The following GRM1 variants were observed in gnomAD, a reference collection of about 807,000 sequenced individuals.
The protein encoded by GRM1 is metabotropic glutamate receptor 1.
Under a neutral mutation model 90.9 loss-of-function variants are expected in GRM1, and 33 were observed. That is an observed-to-expected ratio of 0.36 (90% CI 0.28 to 0.49). GRM1 has a LOEUF of 0.49. Among genes scored for constraint, GRM1 ranks in the 20% least tolerant of loss-of-function variants. The pLI, the probability that GRM1 is intolerant of heterozygous loss-of-function variation, is 0.99. For missense variants in GRM1, 1,190 were observed against 1,534.3 expected (o/e 0.78, Z 3.75); for synonymous variants, 700 against 613.2 (o/e 1.14, Z -2.09).
chr6:146,049,772 C>T (rs529300954), intron 1 of GRM1, among the ~76,000 whole-genome samples: 6 of 151,724 alleles, frequency 4.0e-5, no homozygotes, highest in South Asian at 2.1e-4. Flanking sequence ...AAAATAACAA[C>T]GATGGCAGTA....
chr6:146,029,841 C>T lies in GRM1; in HGVS notation c.324C>T (p.Ser108=). The T allele has an allele frequency of 6.2e-7, 1 of 1,614,146 alleles. No individual in the cohort carries two copies. The highest frequency in any genetic ancestry group is 8.5e-7 in the Non-Finnish European group (1 of 1,180,012). The change falls in exon 1 of 8, where the codon TCC becomes TCT. Residue 108 remains serine, a synonymous_variant. Transcript: ENST00000282753. ...CCCTGGGCAGTGAGATCCGGGACTC[C>T]TGCTGGCACTCTTCCGTGGCTCTGG... ...NITLGSEIRD[S]CWHSSVALEQ...
intron 1 of GRM1, among the ~76,000 whole-genome samples, chr6:146,148,656 G>T (rs1178553456): frequency 1.3e-5 from 2 of 152,078 alleles, no homozygotes; most frequent in African/African-American, 2.4e-5. Context: ...TGAGTCAAAG[G>T]ATATGAACAT....
intron 7 of GRM1, among the ~76,000 whole-genome samples, chr6:146,409,700 AAG>A (rs1777489521): frequency 6.6e-6 from 1 of 152,230 alleles, no homozygotes; most frequent in Non-Finnish European, 1.5e-5. Context: ...AGAATAAAAA[AAG>A]AAAATCAGTG....
At chr6:146,414,425 A>T (rs1020498464) in intron 7 of GRM1, among the ~76,000 whole-genome samples, 12 of 132,970 alleles carry the variant, frequency 9.0e-5, no homozygotes, top group African/African-American at 3.7e-4. Flanking sequence ...TGTTGTTGAG[A>T]TGGAGTCTCA....
intron 1 of GRM1, among the ~76,000 whole-genome samples, chr6:146,148,183 G>A (rs1777182370): frequency 1.3e-5 from 2 of 152,038 alleles, no homozygotes; most frequent in Admixed American, 1.3e-4. Flanking sequence ...GCTGTGCTTG[G>A]CATGGCATTC....
chr6:146,134,898 T>A (rs1207819554), intron 1 of GRM1, among the ~76,000 whole-genome samples: 1 of 152,104 alleles, frequency 6.6e-6, no homozygotes, highest in African/African-American at 2.4e-5. Flanking sequence ...ACCACTGGAC[T>A]CCAGTCTGGA....
chr6:146,183,323 T>C (rs74613524), intron 2 of GRM1, among the ~76,000 whole-genome samples: 2,716 of 152,298 alleles, frequency 0.018, 40 homozygotes, highest in Middle Eastern at 0.099. Context: ...GTTTATTCTT[T>C]CTTTTGGTTG....
intron 5 of GRM1, among the ~76,000 whole-genome samples, chr6:146,374,425 T>C (rs1232135777): frequency 1.3e-5 from 2 of 152,180 alleles, no homozygotes; most frequent in African/African-American, 4.8e-5. Flanking sequence ...TTTTTTGTTA[T>C]AGTTTGAGTA....
At chr6:146,170,594 C>A (rs1342873603) in intron 2 of GRM1, among the ~76,000 whole-genome samples, 3 of 152,070 alleles carry the variant, frequency 2.0e-5, no homozygotes, top group Non-Finnish European at 4.4e-5. Context: ...CTTTTCAACT[C>A]CAGAATTAAT....
At chr6:146,319,475 T>C (rs960358791) in intron 3 of GRM1, among the ~76,000 whole-genome samples, 4 of 152,174 alleles carry the variant, frequency 2.6e-5, no homozygotes, top group Admixed American at 1.3e-4. Flanking sequence ...TCATATGAAA[T>C]TTAAAGTAGT....
chr6:146,257,790 C>G (rs1006714612), intron 2 of GRM1, among the ~76,000 whole-genome samples: 1 of 151,858 alleles, frequency 6.6e-6, no homozygotes, highest in African/African-American at 2.4e-5. Flanking sequence ...TGCAGGATGC[C>G]TACCCACATT....
chr6:146,295,023 A>G (rs567439379), intron 2 of GRM1, among the ~76,000 whole-genome samples: 1 of 152,126 alleles, frequency 6.6e-6, no homozygotes, highest in African/African-American at 2.4e-5. Context: ...AATCACTGAT[A>G]TATGTGGAAT....
chr6:146,415,474 C>T (rs1306766627), intron 7 of GRM1, among the ~76,000 whole-genome samples: 1 of 152,014 alleles, frequency 6.6e-6, no homozygotes, highest in Non-Finnish European at 1.5e-5. Context: ...TATTGCCTTC[C>T]CTCATTAAAT....
At chr6:146,198,520 C>A (rs1779197478) in intron 2 of GRM1, among the ~76,000 whole-genome samples, 2 of 152,176 alleles carry the variant, frequency 1.3e-5, no homozygotes, top group Admixed American at 1.3e-4. Flanking sequence ...GTGACTTCAG[C>A]TGCCAAGTAT....
intron 1 of GRM1, among the ~76,000 whole-genome samples, chr6:146,106,980 T>G (rs183518489): frequency 1.3e-5 from 2 of 152,336 alleles, no homozygotes; most frequent in Non-Finnish European, 2.9e-5. Flanking sequence ...GAACTTACTC[T>G]TCGACCTCTG....
intron 1 of GRM1, among the ~76,000 whole-genome samples, chr6:146,054,477 C>T (rs1429196357): frequency 6.6e-6 from 1 of 151,944 alleles, no homozygotes; most frequent in African/African-American, 2.4e-5. Context: ...TTTTCCTGAC[C>T]AGCTTTCCCT....
chr6:146,317,360 A>G (rs1274192030), intron 3 of GRM1, among the ~76,000 whole-genome samples: 1 of 152,226 alleles, frequency 6.6e-6, no homozygotes. Context: ...CTGCCTTCCA[A>G]GTTATTGCAG....
intron 1 of GRM1, among the ~76,000 whole-genome samples, chr6:146,083,469 TGTCTGC>T (rs1776433786): frequency 6.6e-6 from 1 of 152,218 alleles, no homozygotes; most frequent in Admixed American, 6.5e-5. Flanking sequence ...TTGAAGGCCT[TGTCTGC>T]GTCTATTGAG....
Position 146,030,213 on chromosome 6 carries a change from G to A in GRM1, c.696G>A (p.Thr232=). The part of the protein sequence containing the change: ...YNWTYVSAVH[T]EGNYGESGMD... ...GGACCTATGTCTCTGCAGTCCACACGGAAGGTAGGCATTATATTTGGGAAA... is the reference window on the plus strand; with the variant it reads ...GGACCTATGTCTCTGCAGTCCACACAGAAGGTAGGCATTATATTTGGGAAA... Residue 232 remains threonine, a synonymous_variant, in exon 1 of 8, where the codon ACG becomes ACA. Coordinates refer to ENST00000282753, the MANE Select transcript of GRM1 (RefSeq NM_001278064.2). The A allele has an allele frequency of 6.2e-7, 1 of 1,604,054 alleles. No homozygotes were observed. The highest frequency in any genetic ancestry group is 8.5e-7 in the Non-Finnish European group (1 of 1,171,080).
Sources: gnomAD v4.1 joint callset for allele counts (sites outside exome capture counted in the v4.1 genomes callset) on GRCh38, gnomAD v4.1.1 for gene constraint, MANE v1.5 for transcripts, NCBI Gene and HGNC (gene_info 2026-07-23, HGNC 2026-07-21) for gene names.